Variants in UBE2E2 observed in about 807,000 individuals in gnomAD.
UBE2E2 encodes ubiquitin-conjugating enzyme E2 E2.
A neutral mutation model predicts 24.7 loss-of-function variants in UBE2E2; 6 were observed. That is an observed-to-expected ratio of 0.24 (90% CI 0.13 to 0.48). The LOEUF is 0.48. UBE2E2 is among the 20% of genes least tolerant of loss of function. The pLI is 0.99. For missense variants in UBE2E2, 169 were observed against 245.0 expected, an observed-to-expected ratio of 0.69 and a Z score of 2.07; for synonymous variants, 104 against 83.6, an observed-to-expected ratio of 1.24 and a Z score of -1.33.
intron 5 of UBE2E2, among the ~76,000 whole-genome samples, chr3:23,586,966 A>G (rs1367101684): frequency 6.6e-6 from 1 of 152,078 alleles, no homozygotes; most frequent in Non-Finnish European, 1.5e-5. Flanking sequence ...CCACGATGTT[A>G]ACAGCAGTTT....
intron 3 of UBE2E2, among the ~76,000 whole-genome samples, chr3:23,296,306 CT>C (rs572516514): frequency 1.3e-5 from 2 of 151,604 alleles, no homozygotes; most frequent in Admixed American, 1.3e-4. Context: ...TTTCTTTTTT[CT>C]TTTTTTTAAA....
At chr3:23,434,473 G>T (rs187700685) in intron 3 of UBE2E2, among the ~76,000 whole-genome samples, 51 of 152,200 alleles carry the variant, frequency 3.4e-4, no homozygotes, top group Admixed American at 6.5e-4. Context: ...GTACGAAACA[G>T]ATACTCCCAA....
At chr3:23,479,008 C>T (rs531393892) in intron 3 of UBE2E2, among the ~76,000 whole-genome samples, 154 of 152,126 alleles carry the variant, frequency 1.0e-3, no homozygotes, top group African/African-American at 3.3e-3. Flanking sequence ...CAGTGAGCTG[C>T]GATCATACCA....
At chr3:23,582,224 C>G (rs1350865674) in intron 5 of UBE2E2, among the ~76,000 whole-genome samples, 1 of 152,204 alleles carries the variant, frequency 6.6e-6, no homozygotes, top group African/African-American at 2.4e-5. Flanking sequence ...CTGCAAAGGA[C>G]ATGATCTCAT....
intron 3 of UBE2E2, among the ~76,000 whole-genome samples, chr3:23,393,607 G>A (rs780289403): frequency 6.6e-6 from 1 of 152,166 alleles, no homozygotes; most frequent in Non-Finnish European, 1.5e-5. Context: ...CGGTGGAAAA[G>A]TTGAGGAAGA....
chr3:23,333,609 T>TTC (rs2125303607), intron 3 of UBE2E2, among the ~76,000 whole-genome samples: 1 of 152,288 alleles, frequency 6.6e-6, no homozygotes, highest in East Asian at 1.9e-4. Flanking sequence ...TTTCCTAGCC[T>TTC]TCATTTGTTT....
At chr3:23,569,202 T>C (rs779836190) in intron 5 of UBE2E2, among the ~76,000 whole-genome samples, 4 of 152,178 alleles carry the variant, frequency 2.6e-5, no homozygotes, top group Non-Finnish European at 5.9e-5. Context: ...GAGAACATGC[T>C]TTGTAAAAGA....
intron 3 of UBE2E2, among the ~76,000 whole-genome samples, chr3:23,306,721 T>G (rs1053185657): frequency 2.6e-5 from 4 of 152,218 alleles, no homozygotes; most frequent in Non-Finnish European, 4.4e-5. Flanking sequence ...GAATGGCAAG[T>G]AAATAAACCA....
rs1011616405 is a variant in UBE2E2 at position 23,565,440 on chromosome 3, A to G, written c.509-24294A>G. Among the ~76,000 whole-genome samples, 38 of 104,026 alleles carry G rather than the reference A, an allele frequency of 3.7e-4. No individual in the cohort carries two copies. The Admixed American group carries it at 3.9e-3, about 11-fold the overall frequency. The allele number at this position is 104,026 out of a possible 152,430, so 68.2% of individuals were successfully genotyped here. On this transcript the variant is annotated intron_variant, in intron 5 of 5. Transcript: ENST00000396703. ...GTATGTCCTTATCCCAAAAATAGGC[A>G]TGGCTTTTTTTTTTTTTTTTTTTTT...
At chr3:23,516,620 A>G (rs1432565407) in intron 4 of UBE2E2, among the ~76,000 whole-genome samples, 2 of 152,142 alleles carry the variant, frequency 1.3e-5, no homozygotes, top group Non-Finnish European at 2.9e-5. Context: ...TTAATAGTGA[A>G]AGTGTAATAG....
chr3:23,477,193 G>A (rs1426015781), intron 3 of UBE2E2, among the ~76,000 whole-genome samples: 1 of 152,164 alleles, frequency 6.6e-6, no homozygotes, highest in African/African-American at 2.4e-5. Context: ...TTAGCCAGCT[G>A]TGAATATACA....
At chr3:23,305,045 C>T (rs751207373) in intron 3 of UBE2E2, among the ~76,000 whole-genome samples, 11 of 152,082 alleles carry the variant, frequency 7.2e-5, no homozygotes, top group Admixed American at 4.6e-4. Context: ...GTAACACCAC[C>T]GATCTTAGAA....
At chr3:23,511,254 G>A (rs1294461362) in intron 4 of UBE2E2, among the ~76,000 whole-genome samples, 1 of 152,206 alleles carries the variant, frequency 6.6e-6, no homozygotes, top group Non-Finnish European at 1.5e-5. Context: ...GTCCCTCATT[G>A]TGACAACAAA....
chr3:23,518,952 G>T (rs892873302), intron 4 of UBE2E2, among the ~76,000 whole-genome samples: 2 of 152,190 alleles, frequency 1.3e-5, no homozygotes, highest in Non-Finnish European at 2.9e-5. Flanking sequence ...TTCCACAAAA[G>T]GCTAATTTGA....
chr3:23,453,411 A>G (rs982836643), intron 3 of UBE2E2, among the ~76,000 whole-genome samples: 11 of 152,162 alleles, frequency 7.2e-5, no homozygotes, highest in African/African-American at 2.7e-4. Flanking sequence ...TTAAAAAGAA[A>G]GTTGGCATGA....
At chr3:23,448,201 C>A (rs1307239471) in intron 3 of UBE2E2, among the ~76,000 whole-genome samples, 2 of 151,970 alleles carry the variant, frequency 1.3e-5, no homozygotes, top group African/African-American at 2.4e-5. Flanking sequence ...GGTTAGTGAC[C>A]CCGTAATCTT....
intron 3 of UBE2E2, among the ~76,000 whole-genome samples, chr3:23,460,592 G>A (rs1698787218): frequency 6.6e-6 from 1 of 152,172 alleles, no homozygotes; most frequent in South Asian, 2.1e-4. Flanking sequence ...ATAATATAAA[G>A]TGGAAAGTTA....
At chr3:23,534,753 G>GT (rs1259137035) in intron 5 of UBE2E2, among the ~76,000 whole-genome samples, 1 of 152,060 alleles carries the variant, frequency 6.6e-6, no homozygotes, top group Non-Finnish European at 1.5e-5. Context: ...GAAAGATTAG[G>GT]TTAGATTGAA....
intron 3 of UBE2E2, among the ~76,000 whole-genome samples, chr3:23,485,327 G>T (rs554103683): frequency 6.6e-6 from 1 of 151,856 alleles, no homozygotes; most frequent in Non-Finnish European, 1.5e-5. Flanking sequence ...AACTCCTAAC[G>T]TCAAGTGATC....
Sources: allele counts gnomAD v4.1 joint callset (sites outside exome capture counted in the v4.1 genomes callset), GRCh38; gene constraint gnomAD v4.1.1; transcripts MANE v1.5; gene names NCBI Gene and HGNC (gene_info 2026-07-23, HGNC 2026-07-21).